The following CFAP299 variants were observed in gnomAD, a reference collection of about 807,000 sequenced individuals.
CFAP299 encodes the protein cilia- and flagella-associated protein 299.
In CFAP299, 21 loss-of-function variants were observed where a neutral mutation model predicts 27.0. The ratio of observed to expected loss-of-function variants is 0.78; its 90% CI spans 0.55 to 1.12. The LOEUF (loss-of-function observed/expected upper bound fraction) is 1.12. CFAP299 is among the 50% of genes most tolerant of loss of function. The pLI, the probability that CFAP299 is intolerant of heterozygous loss-of-function variation, is 0.00. For missense variants in CFAP299, 310 were observed against 276.6 expected (o/e 1.12, Z -0.86); for synonymous variants, 104 against 98.1 (o/e 1.06, Z -0.36).
chr4:80,387,553 T>G, intron 2 of CFAP299: 1 of 931,376 alleles, frequency 1.1e-6, no homozygotes, highest in East Asian at 2.4e-5. Flanking sequence ...GTTTTCCTCA[T>G]CCTCCTGCCT....
Position 80,335,777 on chromosome 4 carries a change from G to C in CFAP299, c.9G>C (p.Gln3His), listed in dbSNP as rs776703366. 8.1e-6 allele frequency: 13 copies of C among 1,610,698 alleles called. No individual in the cohort carries two copies. In the East Asian group the frequency reaches 2.0e-4, roughly 25 times the overall value. ...CGGCCGAGGATACCGCAATGGATCA[G>C]GAAGAGGGGCTGAAGGCCTTGGACA... MDQEEGLKALDNI... is the reference protein window; with the variant it reads MDHEEGLKALDNI... Residue 3 changes from glutamine (Q) to histidine (H), a missense_variant, in exon 1 of 6, where the codon CAG (glutamine) becomes CAC (histidine). Transcript: ENST00000358105.
chr4:80,344,405 G>A (rs1353657555), intron 1 of CFAP299, among the ~76,000 whole-genome samples: 1 of 152,046 alleles, frequency 6.6e-6, no homozygotes, highest in African/African-American at 2.4e-5. Flanking sequence ...TAGAAGAAAT[G>A]TATAAATTTC....
chr4:80,957,463 T>C (rs1479391457), intron 5 of CFAP299, among the ~76,000 whole-genome samples: 2 of 152,196 alleles, frequency 1.3e-5, no homozygotes, highest in Non-Finnish European at 2.9e-5. Context: ...AGTGAATATA[T>C]GGCAAAGATT....
At chr4:80,614,544 T>A (rs1342547519) in intron 3 of CFAP299, among the ~76,000 whole-genome samples, 1 of 152,214 alleles carries the variant, frequency 6.6e-6, no homozygotes, top group African/African-American at 2.4e-5. Context: ...GGGGGCAGCA[T>A]GTGCGGCGGG....
chr4:80,938,984 C>T (rs1050956065), intron 4 of CFAP299, among the ~76,000 whole-genome samples: 1 of 152,112 alleles, frequency 6.6e-6, no homozygotes. Flanking sequence ...TATTGTTTTA[C>T]TCTCTCCTGG....
intron 3 of CFAP299, among the ~76,000 whole-genome samples, chr4:80,749,662 G>A (rs1264398410): frequency 6.6e-6 from 1 of 152,218 alleles, no homozygotes; most frequent in African/African-American, 2.4e-5. Context: ...AAAAGCCGAA[G>A]AACTTAGAGT....
At chr4:80,387,193 G>C (rs890155936) in intron 2 of CFAP299, 2 of 1,356,948 alleles carry the variant, frequency 1.5e-6, no homozygotes, top group Non-Finnish European at 2.1e-6. Flanking sequence ...GGCTGTGGGA[G>C]TACTGGTGCA....
intron 4 of CFAP299, among the ~76,000 whole-genome samples, chr4:80,891,789 T>TAAAAAAAAAAA (rs1355453928): frequency 2.0e-4 from 7 of 35,056 alleles, no homozygotes; most frequent in Non-Finnish European, 3.5e-4. Flanking sequence ...AAAAAAAAAA[T>TAAAAAAAAAAA]AAAAAAAAAA....
intron 3 of CFAP299, among the ~76,000 whole-genome samples, chr4:80,595,878 G>T (rs998184025): frequency 6.6e-6 from 1 of 152,194 alleles, no homozygotes; most frequent in African/African-American, 2.4e-5. Context: ...GAGGAGGAAC[G>T]TTCAGTTCCA....
chr4:80,374,301 A>T (rs1724295391), intron 2 of CFAP299, among the ~76,000 whole-genome samples: 1 of 152,122 alleles, frequency 6.6e-6, no homozygotes, highest in South Asian at 2.1e-4. Flanking sequence ...GTGGGATAAT[A>T]TTCCTTTTTT....
At chr4:80,864,839 A>G (rs960057053) in intron 3 of CFAP299, among the ~76,000 whole-genome samples, 1 of 152,142 alleles carries the variant, frequency 6.6e-6, no homozygotes, top group African/African-American at 2.4e-5. Flanking sequence ...AGGCATTACC[A>G]AGGGCTTAGC....
rs1407381186 is a variant in CFAP299, at chr4:80,902,594, C to T, written c.476+32459C>T. Among the ~76,000 whole-genome samples, 1,103 of 143,090 alleles carry T rather than the reference C, an allele frequency of 7.7e-3. 6 individuals carry two copies. The highest frequency in any genetic ancestry group is 0.014 in the Middle Eastern group (4 of 278). 93.9% of individuals were successfully genotyped at this position (143,090 alleles called of 152,430 possible). A position where few individuals can be genotyped will look rare whatever the true frequency, so the allele number is the denominator to read the frequency against. On this transcript the variant is annotated intron_variant, in intron 4 of 5. Transcript: ENST00000358105. Reference sequence around the variant, plus strand: ...CATATATATGTAATATATACACACACACACACACACACACACACACACACA... The same window carrying T: ...CATATATATGTAATATATACACACATACACACACACACACACACACACACA...
At chr4:80,823,484 G>A (rs532464366) in intron 3 of CFAP299, among the ~76,000 whole-genome samples, 1 of 152,202 alleles carries the variant, frequency 6.6e-6, no homozygotes, top group East Asian at 1.9e-4. Context: ...CATTGGCTCA[G>A]CTAATTAAGG....
chr4:80,872,980 A>C, intron 4 of CFAP299: 1 of 981,516 alleles, frequency 1.0e-6, no homozygotes, highest in Non-Finnish European at 1.2e-6. Context: ...AGTCATCTTA[A>C]TGCATTTTAA....
At chr4:80,919,758 A>G (rs999723808) in intron 4 of CFAP299, among the ~76,000 whole-genome samples, 1 of 152,160 alleles carries the variant, frequency 6.6e-6, no homozygotes. Flanking sequence ...GTTTGATACT[A>G]CTGTGTATAG....
intron 3 of CFAP299, among the ~76,000 whole-genome samples, chr4:80,845,388 G>A (rs909127147): frequency 1.1e-4 from 17 of 151,472 alleles, no homozygotes; most frequent in Admixed American, 1.1e-3. Context: ...TTGCATTTAA[G>A]TTAAATTGAA....
chr4:80,364,913 CA>C (rs1319800593), intron 2 of CFAP299, among the ~76,000 whole-genome samples: 3 of 152,184 alleles, frequency 2.0e-5, no homozygotes, highest in African/African-American at 7.2e-5. Context: ...CAGCTCCATC[CA>C]TGTTCCTGCA....
chr4:80,523,142 G>T (rs1458563887), intron 2 of CFAP299, among the ~76,000 whole-genome samples: 1 of 151,954 alleles, frequency 6.6e-6, no homozygotes, highest in Non-Finnish European at 1.5e-5. Context: ...AGTATCTTTA[G>T]GTCTTCTTTG....
At chr4:80,718,988 C>T (rs1055382413) in intron 3 of CFAP299, among the ~76,000 whole-genome samples, 31 of 152,076 alleles carry the variant, frequency 2.0e-4, no homozygotes, top group African/African-American at 7.2e-4. Context: ...CTGTCCTTTG[C>T]AGGAACATGG....
Sources: gnomAD v4.1 joint callset for allele counts (sites outside exome capture counted in the v4.1 genomes callset) on GRCh38, gnomAD v4.1.1 for gene constraint, MANE v1.5 for transcripts, NCBI Gene and HGNC (gene_info 2026-07-23, HGNC 2026-07-21) for gene names.